VTI1A: variants seen among roughly 807,000 people sequenced by gnomAD.
The protein encoded by VTI1A is vesicle transport through interaction with t-SNAREs 1A.
A neutral mutation model predicts 34.9 loss-of-function variants in VTI1A; 22 were observed. The observed-to-expected ratio is 0.63, with a 90% CI of 0.45 to 0.90. The LOEUF (loss-of-function observed/expected upper bound fraction) is 0.90. Among genes scored for constraint, VTI1A ranks in the 40% least tolerant of loss-of-function variants. The pLI, the probability that VTI1A is intolerant of heterozygous loss-of-function variation, is 0.00. For missense variants in VTI1A, 268 were observed against 275.6 expected, an observed-to-expected ratio of 0.97 and a Z score of 0.20; for synonymous variants, 87 against 97.3, an observed-to-expected ratio of 0.89 and a Z score of 0.62.
chr10:112,462,899 TA>T (rs1299892896), intron 2 of VTI1A, among the ~76,000 whole-genome samples: 1 of 70,670 alleles, frequency 1.4e-5, no homozygotes, highest in Non-Finnish European at 2.7e-5. Flanking sequence ...TACTGGTTTT[TA>T]TTTATTTATT....
intron 3 of VTI1A, among the ~76,000 whole-genome samples, chr10:112,506,547 ATG>A (rs1849436837): frequency 6.6e-6 from 1 of 152,170 alleles, no homozygotes; most frequent in African/African-American, 2.4e-5. Context: ...TTCCTGGATA[ATG>A]TAGACGTTAC....
chr10:112,497,227 C>T lies in VTI1A; in HGVS notation c.265-29860C>T, dbSNP rs576326896. Among the ~76,000 whole-genome samples the T allele has an allele frequency of 2.6e-4, 39 of 151,544 alleles. No individual in the cohort carries two copies. The South Asian group carries it at 2.9e-3, about 11-fold the overall frequency. On this transcript the variant is annotated intron_variant, in intron 3 of 7. Transcript: ENST00000393077. ...CAGGTACTCGGGAGGCTGAGGCAGG[C>T]GAATCACTTGAACCCAGGAGGTGGA... is the stretch of plus-strand genomic sequence containing the variant.
chr10:112,547,956 G>A (rs932203424), intron 5 of VTI1A, among the ~76,000 whole-genome samples: 3 of 151,814 alleles, frequency 2.0e-5, no homozygotes, highest in Non-Finnish European at 4.4e-5. Flanking sequence ...TTTTTAATAT[G>A]CTTACCCAAG....
chr10:112,615,003 A>G (rs1233608407), intron 5 of VTI1A, among the ~76,000 whole-genome samples: 1 of 152,210 alleles, frequency 6.6e-6, no homozygotes, highest in Non-Finnish European at 1.5e-5. Flanking sequence ...GATGGAGTAC[A>G]CAGATAATGG....
chr10:112,500,163 G>T (rs1485432285), intron 3 of VTI1A, among the ~76,000 whole-genome samples: 1 of 152,170 alleles, frequency 6.6e-6, no homozygotes, highest in South Asian at 2.1e-4. Context: ...AAGGCCGGGT[G>T]TGGTGACTCA....
intron 5 of VTI1A, among the ~76,000 whole-genome samples, chr10:112,550,881 C>G (rs537394125): frequency 8.5e-5 from 13 of 152,258 alleles, no homozygotes; most frequent in African/African-American, 3.1e-4. Context: ...CTCCACGTTG[C>G]TAATTTCATT....
intron 7 of VTI1A, chr10:112,752,244 A>G: frequency 5.7e-6 from 2 of 353,170 alleles, no homozygotes; most frequent in Non-Finnish European, 7.9e-6. Flanking sequence ...GGTGAGACCC[A>G]GAGTCAGGAG....
At chr10:112,650,946 A>G (rs1170474637) in intron 5 of VTI1A, among the ~76,000 whole-genome samples, 1 of 152,206 alleles carries the variant, frequency 6.6e-6, no homozygotes, top group Non-Finnish European at 1.5e-5. Context: ...ATCTGTTTAT[A>G]TGACTGATTG....
At chr10:112,737,421 A>G in intron 7 of VTI1A, 1 of 1,035,972 alleles carries the variant, frequency 9.7e-7, no homozygotes, top group Non-Finnish European at 1.2e-6. Flanking sequence ...AAAAAATGAC[A>G]AAAATGAACT....
intron 2 of VTI1A, among the ~76,000 whole-genome samples, chr10:112,462,974 G>C (rs1458124896): frequency 1.3e-5 from 2 of 151,982 alleles, no homozygotes; most frequent in African/African-American, 4.8e-5. Context: ...GCCCAGGCTG[G>C]AGTGCAGTGG....
At position 112,817,915 on chromosome 10, in the gene VTI1A, T is replaced by A. The variant is rs1172545421; in HGVS notation, c.*2532T>A. 1.7e-5 allele frequency: 4 copies of A among 233,096 alleles called. No homozygotes were observed. Among genetic ancestry groups the A allele is most frequent in the Non-Finnish European group, 3.4e-5 (4 of 117,756 alleles). The allele number at this position is 233,096 out of a possible 1,614,324, so 14.4% of individuals were successfully genotyped here. On this transcript the variant is annotated 3_prime_UTR_variant, in exon 8 of 8. Coordinates refer to ENST00000393077, the MANE Select transcript of VTI1A (RefSeq NM_145206.4). The stretch of plus-strand genomic sequence containing the variant: ...GAAGGAAGCCCTTGCCATATAAAAT[T>A]CATGCAGACTAAACAGTTTCCCTGA...
intron 2 of VTI1A, among the ~76,000 whole-genome samples, chr10:112,460,816 A>G (rs956769287): frequency 6.6e-6 from 1 of 152,222 alleles, no homozygotes; most frequent in Non-Finnish European, 1.5e-5. Flanking sequence ...CCATCATAAT[A>G]CGTTTCATAA....
At position 112,818,611 on chromosome 10, in the gene VTI1A, TA is replaced by T. The variant is rs1853590207; in HGVS notation, c.*3233del. The T allele has an allele frequency of 4.5e-6, 1 of 220,584 alleles. No homozygotes were observed. Among genetic ancestry groups the T allele is most frequent in the African/African-American group, 2.2e-5 (1 of 44,644 alleles). 13.7% of individuals were successfully genotyped at this position (220,584 alleles called of 1,614,324 possible). The stretch of plus-strand genomic sequence containing the variant: ...AGTCCCAGAGGGGCTCATTAAATCA[TA>T]AAAACTTGACAAGGAAATAATTGCG... On this transcript the variant is annotated 3_prime_UTR_variant, in exon 8 of 8. Coordinates refer to ENST00000393077, the MANE Select transcript of VTI1A (RefSeq NM_145206.4).
intron 1 of VTI1A, among the ~76,000 whole-genome samples, chr10:112,458,830 C>A (rs567775286): frequency 3.9e-5 from 6 of 151,916 alleles, no homozygotes; most frequent in Non-Finnish European, 7.4e-5. Context: ...CCACACCCAG[C>A]TAATTTTTTG....
At chr10:112,569,813 TC>T (rs1204456408) in intron 5 of VTI1A, among the ~76,000 whole-genome samples, 5 of 152,204 alleles carry the variant, frequency 3.3e-5, no homozygotes, top group Non-Finnish European at 7.4e-5. Flanking sequence ...CCAGGCAACT[TC>T]CTTCCTAAGA....
At chr10:112,846,504 C>T in the VTI1A span, among the ~76,000 whole-genome samples, 4 of 151,992 alleles carry the variant, frequency 2.6e-5, no homozygotes, top group South Asian at 2.1e-4. Flanking sequence ...TGGTGGCTCA[C>T]GCCTGTAATC....
intron 5 of VTI1A, among the ~76,000 whole-genome samples, chr10:112,579,036 A>T (rs1589929068): frequency 6.6e-6 from 1 of 152,220 alleles, no homozygotes; most frequent in Non-Finnish European, 1.5e-5. Flanking sequence ...TTGTCATCTG[A>T]AAAACCTTAC....
chr10:112,845,163 C>T, the VTI1A span, among the ~76,000 whole-genome samples: 5,411 of 152,294 alleles, frequency 0.036, 178 homozygotes, highest in African/African-American at 0.089. Flanking sequence ...AATGGTGGCC[C>T]GAGTCCACCA....
chr10:112,589,909 G>T (rs896930053), intron 5 of VTI1A, among the ~76,000 whole-genome samples: 63 of 152,268 alleles, frequency 4.1e-4, no homozygotes, highest in African/African-American at 1.5e-3. Flanking sequence ...TTTATTTCAT[G>T]GGAATTGCAA....
Sources: allele counts gnomAD v4.1 joint callset (sites outside exome capture counted in the v4.1 genomes callset), GRCh38; gene constraint gnomAD v4.1.1; transcripts MANE v1.5; gene names NCBI Gene and HGNC (gene_info 2026-07-23, HGNC 2026-07-21).